DLG5: variants seen among roughly 807,000 people sequenced by gnomAD.
DLG5 encodes disks large homolog 5.
In DLG5, 48 loss-of-function variants were observed where a neutral mutation model predicts 189.8. That is an observed-to-expected ratio of 0.25 (90% CI 0.20 to 0.32). The LOEUF (loss-of-function observed/expected upper bound fraction) is 0.32. Among genes scored for constraint, DLG5 ranks in the 10% least tolerant of loss-of-function variants. The pLI, the probability that DLG5 is intolerant of heterozygous loss-of-function variation, is 1.00. For missense variants in DLG5, 2,160 were observed against 2,544.7 expected (o/e 0.85, Z 3.25); for synonymous variants, 1,016 against 1,054.1 (o/e 0.96, Z 0.70).
intron 1 of DLG5, among the ~76,000 whole-genome samples, chr10:77,887,611 G>A (rs1845477042): frequency 6.6e-6 from 1 of 152,090 alleles, no homozygotes; most frequent in South Asian, 2.1e-4. Context: ...TGATCAAAAG[G>A]AATATATTTG....
At chr10:77,939,745 A>C in the DLG5 span, among the ~76,000 whole-genome samples, 1 of 152,212 alleles carries the variant, frequency 6.6e-6, no homozygotes, top group South Asian at 2.1e-4. Context: ...GGAGCCATCC[A>C]GCTCTATGCA....
At chr10:77,830,456 T>G in intron 10 of DLG5, 112 bp from the exon 11 acceptor site, 1 of 1,498,312 alleles carries the variant, frequency 6.7e-7, no homozygotes, top group South Asian at 1.3e-5. Flanking sequence ...CTTCACCTCA[T>G]CTGATAAGAC....
chr10:77,856,592 T>G, intron 3 of DLG5, 138 bp downstream of exon 3: 2 of 1,133,162 alleles, frequency 1.8e-6, no homozygotes, highest in Non-Finnish European at 2.5e-6. Flanking sequence ...TTTCTGGACA[T>G]GAGGTGGGGG....
intron 1 of DLG5, among the ~76,000 whole-genome samples, chr10:77,875,309 C>T (rs1237879501): frequency 6.6e-6 from 1 of 152,176 alleles, no homozygotes; most frequent in Non-Finnish European, 1.5e-5. Flanking sequence ...ATGAGAAGCC[C>T]GATCAGCTTG....
chr10:77,878,432 C>A (rs1240309255), intron 1 of DLG5, among the ~76,000 whole-genome samples: 1 of 152,232 alleles, frequency 6.6e-6, no homozygotes, highest in African/African-American at 2.4e-5. Flanking sequence ...TACCGTCTCA[C>A]AGGCTCCTAA....
chr10:77,832,222 T>C (rs1258397025), intron 9 of DLG5, among the ~76,000 whole-genome samples: 1 of 152,150 alleles, frequency 6.6e-6, no homozygotes, highest in Non-Finnish European at 1.5e-5. Flanking sequence ...TTTGACTTCA[T>C]CAAAATTATA....
At chr10:77,880,088 G>A (rs1564571668) in intron 1 of DLG5, among the ~76,000 whole-genome samples, 1 of 152,178 alleles carries the variant, frequency 6.6e-6, no homozygotes, top group South Asian at 2.1e-4. Context: ...GCTAAGGGAA[G>A]AGAAGAGAAA....
At position 77,834,016 on chromosome 10, in the gene DLG5, C is replaced by G. The variant is rs758511394; in HGVS notation, c.1646G>C (p.Arg549Pro). The G allele has an allele frequency of 6.2e-7, 1 of 1,609,548 alleles. No individual in the cohort carries two copies. The change falls in exon 9 of 32, where the codon CGG becomes CCG. Residue 549 changes from arginine to proline, a missense_variant. Physicochemically the swap from Arg to Pro is moderately radical, Grantham distance 103 (BLOSUM62 -2). This residue lies in a region of DLG5 where 664 missense variants were observed against 838.5 expected (regional missense o/e 0.79). Coordinates refer to ENST00000372391, the MANE Select transcript of DLG5 (RefSeq NM_004747.4). ...SIRTLCDNLR[R>P]ERDRAVSELA... The stretch of plus-strand genomic sequence containing the variant: ...CTCGCTCACCGCACGGTCCCGCTCC[C>G]GCCTCAGGTTGTCACACAGTGTCCT...
intron 1 of DLG5, among the ~76,000 whole-genome samples, chr10:77,898,828 T>C (rs1845840893): frequency 6.6e-6 from 1 of 152,102 alleles, no homozygotes; most frequent in African/African-American, 2.4e-5. Context: ...AAATGCTAGA[T>C]GCAAAGACCC....
At chr10:77,855,541 T>C (rs926932399) in intron 3 of DLG5, among the ~76,000 whole-genome samples, 2 of 152,236 alleles carry the variant, frequency 1.3e-5, no homozygotes, top group African/African-American at 2.4e-5. Flanking sequence ...AAAGCAGTCA[T>C]AGACACTTTG....
chr10:77,810,345 G>A (rs1368074470), intron 23 of DLG5, among the ~76,000 whole-genome samples: 1 of 152,226 alleles, frequency 6.6e-6, no homozygotes, highest in Non-Finnish European at 1.5e-5. Flanking sequence ...GTTCCAATGT[G>A]ACAGACTCTG....
chr10:77,874,402 A>G (rs915868006), intron 1 of DLG5, among the ~76,000 whole-genome samples: 1 of 152,232 alleles, frequency 6.6e-6, no homozygotes, highest in Non-Finnish European at 1.5e-5. Flanking sequence ...GATTTAATGC[A>G]GGTTGAGTAT....
intron 1 of DLG5, among the ~76,000 whole-genome samples, chr10:77,897,376 A>C (rs1399290968): frequency 6.6e-6 from 1 of 151,946 alleles, no homozygotes; most frequent in East Asian, 1.9e-4. Flanking sequence ...TAAATAAATA[A>C]ATAAATAAAT....
intron 2 of DLG5, among the ~76,000 whole-genome samples, chr10:77,859,941 T>C (rs1362396324): frequency 1.3e-5 from 2 of 152,214 alleles, no homozygotes; most frequent in Non-Finnish European, 2.9e-5. Context: ...CCCAGCAGTT[T>C]TGTGGGTCAG....
chr10:77,914,353 T>C (rs1487898414), intron 1 of DLG5, among the ~76,000 whole-genome samples: 3 of 152,268 alleles, frequency 2.0e-5, no homozygotes, highest in South Asian at 4.2e-4. Flanking sequence ...AGGGACAAGC[T>C]ACCCCCAGTA....
intron 9 of DLG5, among the ~76,000 whole-genome samples, chr10:77,832,733 T>C (rs1417314486): frequency 6.6e-6 from 1 of 152,230 alleles, no homozygotes; most frequent in Non-Finnish European, 1.5e-5. Flanking sequence ...CAGGCAACTC[T>C]GGCCCAAACA....
At chr10:77,813,601 C>A (rs1841890738) in intron 20 of DLG5, among the ~76,000 whole-genome samples, 2 of 152,188 alleles carry the variant, frequency 1.3e-5, no homozygotes, top group South Asian at 4.1e-4. Flanking sequence ...TTGAGAGCTG[C>A]AGAGCCCTCA....
At chr10:77,923,453 C>G (rs1241025900) in intron 1 of DLG5, among the ~76,000 whole-genome samples, 3 of 152,198 alleles carry the variant, frequency 2.0e-5, no homozygotes, top group African/African-American at 7.2e-5. Context: ...CAGCAATTTA[C>G]CCTTCACAAA....
intron 24 of DLG5, 64 bp downstream of exon 24, chr10:77,809,483 G>A: frequency 6.6e-7 from 1 of 1,521,708 alleles, no homozygotes; most frequent in Non-Finnish European, 8.9e-7. Context: ...TGCCACCTGA[G>A]ATGGCAGCAA....
Sources: gnomAD v4.1 joint callset for allele counts (sites outside exome capture counted in the v4.1 genomes callset) on GRCh38, gnomAD v4.1.1 for gene constraint, gnomAD v4.1.1 regional missense constraint, MANE v1.5 for transcripts, NCBI Gene and HGNC (gene_info 2026-07-23, HGNC 2026-07-21) for gene names.